Variants in RBPMS observed in about 807,000 individuals in gnomAD.
RBPMS encodes the protein RNA binding protein, mRNA processing factor.
In RBPMS, 7 loss-of-function variants were observed where a neutral mutation model predicts 26.8. The ratio of observed to expected loss-of-function variants is 0.26; its 90% CI spans 0.15 to 0.49. The LOEUF (loss-of-function observed/expected upper bound fraction) is 0.49, where lower values mean the gene tolerates loss of function less well. Ranked by LOEUF, RBPMS falls within the 20% of genes least tolerant of loss-of-function variation. The pLI is 0.98. For missense variants in RBPMS, 186 were observed against 250.0 expected, an observed-to-expected ratio of 0.74 and a Z score of 1.73; for synonymous variants, 96 against 93.3, an observed-to-expected ratio of 1.03 and a Z score of -0.17.
At chr8:30,561,559 G>A (rs1254925157) in intron 7 of RBPMS, among the ~76,000 whole-genome samples, 1 of 152,192 alleles carries the variant, frequency 6.6e-6, no homozygotes, top group Non-Finnish European at 1.5e-5. Flanking sequence ...AGCATAAACT[G>A]ACCGTTGAGG....
intron 1 of RBPMS, among the ~76,000 whole-genome samples, chr8:30,440,229 C>G (rs1812920735): frequency 6.6e-6 from 1 of 152,142 alleles, no homozygotes; most frequent in Non-Finnish European, 1.5e-5. Context: ...GTGCTGAGCC[C>G]TAGCCTTTTT....
intron 5 of RBPMS, among the ~76,000 whole-genome samples, chr8:30,508,093 T>G (rs960371437): frequency 6.6e-6 from 1 of 152,040 alleles, no homozygotes; most frequent in African/African-American, 2.4e-5. Context: ...ATGGGGCCCT[T>G]AGGGGTGGAG....
Position 30,427,310 on chromosome 8 carries a change from A to G in RBPMS, c.66+42152A>G, listed in dbSNP as rs188245737. 2.4e-3 allele frequency among the ~76,000 whole-genome samples: 369 copies of G among 152,328 alleles called. 2 individuals carry two copies. Among genetic ancestry groups the G allele is most frequent in the African/African-American group, 8.3e-3 (347 of 41,570 alleles). On this transcript the variant is annotated intron_variant, in intron 1 of 8. Coordinates refer to ENST00000397323, the MANE Select transcript of RBPMS (RefSeq NM_001008710.3). ...CTGCTTTATTGGCCATTCTTAGCCA[A>G]ATGGGCATTGATGTTGAAAGGGGTC...
intron 6 of RBPMS, chr8:30,545,537 A>G: frequency 1.3e-6 from 1 of 748,070 alleles, no homozygotes; most frequent in Non-Finnish European, 1.6e-6. Flanking sequence ...TTTAAAAATT[A>G]TTAGGCTGGA....
intron 5 of RBPMS, among the ~76,000 whole-genome samples, chr8:30,536,692 A>AT (rs1824837052): frequency 6.6e-6 from 1 of 152,196 alleles, no homozygotes; most frequent in South Asian, 2.1e-4. Context: ...AGTTGCCCTG[A>AT]AGATATACTT....
intron 4 of RBPMS, among the ~76,000 whole-genome samples, chr8:30,503,505 C>T (rs1442359045): frequency 4.0e-5 from 6 of 151,618 alleles, no homozygotes; most frequent in South Asian, 2.1e-4. Flanking sequence ...GCAATCCACT[C>T]GCCTCGGCCT....
chr8:30,463,968 G>C (rs1368395900), intron 1 of RBPMS, among the ~76,000 whole-genome samples: 2 of 152,098 alleles, frequency 1.3e-5, no homozygotes, highest in African/African-American at 4.8e-5. Flanking sequence ...AGGCAACATA[G>C]GGAGACCTCA....
At chr8:30,536,418 C>T (rs1192697867) in intron 5 of RBPMS, among the ~76,000 whole-genome samples, 5 of 152,112 alleles carry the variant, frequency 3.3e-5, no homozygotes, top group East Asian at 1.9e-4. Flanking sequence ...TGAGCCACCG[C>T]GCCTGGCGAG....
At position 30,571,203 on chromosome 8, in the gene RBPMS, C is replaced by T. The variant is rs1240944125; in HGVS notation, c.*678C>T. On this transcript the variant is annotated 3_prime_UTR_variant, in exon 9 of 9. Coordinates refer to ENST00000397323, the MANE Select transcript of RBPMS (RefSeq NM_001008710.3). Reference sequence around the variant, plus strand: ...CCCTGCAAGACAATCAACCAGAAGCCTCCAGGAGCTTCTACCTATGGCTTA... The same window carrying T: ...CCCTGCAAGACAATCAACCAGAAGCTTCCAGGAGCTTCTACCTATGGCTTA... The T allele has an allele frequency of 6.6e-6, 1 of 152,168 alleles. No individual in the cohort carries two copies. Among genetic ancestry groups the T allele is most frequent in the Admixed American group, 6.5e-5 (1 of 15,290 alleles). 9.4% of individuals were successfully genotyped at this position (152,168 alleles called of 1,614,324 possible). A position where few individuals can be genotyped will look rare whatever the true frequency, so the allele number is the denominator to read the frequency against.
chr8:30,501,161 AAAACCT>A, intron 4 of RBPMS, among the ~76,000 whole-genome samples: 1 of 152,088 alleles, frequency 6.6e-6, no homozygotes. Flanking sequence ...CCCCATTTTT[AAAACCT>A]AATGGCTTAG....
chr8:30,522,822 T>C (rs10095996), intron 5 of RBPMS, among the ~76,000 whole-genome samples: 5,183 of 152,294 alleles, frequency 0.034, 303 homozygotes, highest in African/African-American at 0.12. Flanking sequence ...ATTTTAGTAG[T>C]TTATTAATAA....
In RBPMS at chr8:30,543,452, GA is replaced by G. The variant is rs368910616; in HGVS notation, c.398-1039del. ...GTTGACCTTGCACTGTAGACTCAGG[GA>G]AAGTACTGAATGGCAGAGTTACTAA... On this transcript the variant is annotated intron_variant, in intron 5 of 8. Transcript: ENST00000397323. Among the ~76,000 whole-genome samples the G allele has an allele frequency of 6.6e-3, 1,004 of 152,272 alleles. 14 individuals are homozygous for G. The highest frequency in any genetic ancestry group is 0.023 in the African/African-American group (969 of 41,528).
chr8:30,563,009 GC>G (rs1302341987), intron 7 of RBPMS, among the ~76,000 whole-genome samples: 1 of 152,226 alleles, frequency 6.6e-6, no homozygotes, highest in African/African-American at 2.4e-5. Flanking sequence ...ACAGGCCTGT[GC>G]CCCTCAGGAG....
intron 1 of RBPMS, among the ~76,000 whole-genome samples, chr8:30,391,139 C>A (rs1009140633): frequency 6.6e-6 from 1 of 152,088 alleles, no homozygotes; most frequent in African/African-American, 2.4e-5. Flanking sequence ...CATTAGGAAC[C>A]TCCATTTGCG....
intron 7 of RBPMS, among the ~76,000 whole-genome samples, chr8:30,563,235 G>C (rs1032605038): frequency 3.3e-5 from 5 of 152,244 alleles, no homozygotes; most frequent in Non-Finnish European, 7.3e-5. Flanking sequence ...TCCGCCTCTT[G>C]CTGATGGATG....
At chr8:30,499,802 A>T (rs1227277522) in intron 4 of RBPMS, among the ~76,000 whole-genome samples, 1 of 152,116 alleles carries the variant, frequency 6.6e-6, no homozygotes, top group African/African-American at 2.4e-5. Flanking sequence ...GTTTTTAGGA[A>T]ATCAAACTGA....
At chr8:30,388,344 T>C (rs1214058716) in intron 1 of RBPMS, among the ~76,000 whole-genome samples, 2 of 151,716 alleles carry the variant, frequency 1.3e-5, no homozygotes, top group East Asian at 1.9e-4. Context: ...TAATCAGTTA[T>C]AATTGATGAG....
chr8:30,493,886 T>C (rs1370435650), intron 4 of RBPMS, among the ~76,000 whole-genome samples: 1 of 152,232 alleles, frequency 6.6e-6, no homozygotes, highest in Non-Finnish European at 1.5e-5. Flanking sequence ...GTCATGACTT[T>C]ATAGTCATCC....
intron 5 of RBPMS, among the ~76,000 whole-genome samples, chr8:30,507,652 G>C (rs1177926151): frequency 6.6e-6 from 1 of 152,154 alleles, no homozygotes; most frequent in Non-Finnish European, 1.5e-5. Flanking sequence ...AGTTGGAAAA[G>C]ATCTGTGAGA....
Sources: gnomAD v4.1 joint callset for allele counts (sites outside exome capture counted in the v4.1 genomes callset) on GRCh38, gnomAD v4.1.1 for gene constraint, MANE v1.5 for transcripts, NCBI Gene and HGNC (gene_info 2026-07-23, HGNC 2026-07-21) for gene names.